Variants in BAG6 observed in about 807,000 individuals in gnomAD.
BAG6 encodes the protein BAG cochaperone 6, also known as large proline-rich protein BAG6.
Under a neutral mutation model 121.0 loss-of-function variants are expected in BAG6, and 22 were observed. That is an observed-to-expected ratio of 0.18 (90% CI 0.13 to 0.26). The LOEUF (loss-of-function observed/expected upper bound fraction) is 0.26. Among genes scored for constraint, BAG6 ranks in the 10% least tolerant of loss-of-function variants. The pLI, the probability that BAG6 is intolerant of heterozygous loss-of-function variation, is 1.00. For synonymous variants in BAG6, 583 were observed against 584.6 expected, an observed-to-expected ratio of 1.00 and a Z score of 0.04; for missense variants, 1,233 against 1,537.7, an observed-to-expected ratio of 0.80 and a Z score of 3.31.
Position 31,639,279 on chromosome 6 carries a change from C to A in BAG6, c.3394-53G>T, listed in dbSNP as rs1779750434. ...GAAACGCTGGCCAAGTCCCCATGATCCCAGCAAGCACACAAGGCCATCCCT... is the reference window on the plus strand; with the variant it reads ...GAAACGCTGGCCAAGTCCCCATGATACCAGCAAGCACACAAGGCCATCCCT... On this transcript the variant is annotated intron_variant, in intron 25 of 25. Transcript: ENST00000676615. The A allele has an allele frequency of 3.9e-6, 6 of 1,529,530 alleles. No individual in the cohort carries two copies. The Admixed American group carries it at 1.0e-4, about 27-fold the overall frequency. The allele number at this position is 1,529,530 out of a possible 1,614,324, so 94.7% of individuals were successfully genotyped here. A position where few individuals can be genotyped will look rare whatever the true frequency, so the allele number is the denominator to read the frequency against.
At position 31,641,507 on chromosome 6, in the gene BAG6, G is replaced by A. The variant is rs1266065654; in HGVS notation, c.2559+32C>T. ...GAGGCAGCTGCCTTGACCAGACCCAGGAGAGGAAAGGAATAGAGAAGGGTT... is the reference window on the plus strand; with the variant it reads ...GAGGCAGCTGCCTTGACCAGACCCAAGAGAGGAAAGGAATAGAGAAGGGTT... On this transcript the variant is annotated intron_variant, in intron 18 of 25. Coordinates refer to ENST00000676615, the MANE Select transcript of BAG6 (RefSeq NM_001387994.1). This position sits in a 1 kb window ranked among gnomAD's most constrained non-coding sequence, Gnocchi z 5.7. 1 of 1,614,148 alleles carries A rather than the reference G, an allele frequency of 6.2e-7. No individual in the cohort carries two copies. Among genetic ancestry groups the A allele is most frequent in the Admixed American group, 1.7e-5 (1 of 60,020 alleles).
intron 14 of BAG6, 123 bp downstream of exon 14, chr6:31,643,767 G>T: frequency 3.9e-5 from 17 of 433,432 alleles, no homozygotes; most frequent in African/African-American, 5.6e-5. Context: ...GAAGACACAA[G>T]ACACTACAGC....
chr6:31,643,773 A>T, intron 14 of BAG6, 117 bp downstream of exon 14: 1 of 882,442 alleles, frequency 1.1e-6, no homozygotes, highest in Non-Finnish European at 1.7e-6. Context: ...ACAAGACACT[A>T]CAGCAGCCCC....
Position 31,639,574 on chromosome 6 carries a change from G to A in BAG6, c.3319C>T (p.Arg1107Trp), listed in dbSNP as rs746427524. ...AGGCTCTCGGGGCTCGTCAGGGGCC[G>A]AGCTCCGGCTGCCTTAGCTGCCCGG... ...VSRAAKAAGARPLTSPESLSR... is the reference protein window; with the variant it reads ...VSRAAKAAGAWPLTSPESLSR... Residue 1107 changes from arginine (R) to tryptophan (W), a missense_variant, in exon 25 of 26, where the codon CGG (arginine) becomes TGG (tryptophan). By Grantham distance (101) the Arg-to-Trp change is moderately radical. Around this residue, in one of 7 missense-constraint regions of BAG6, gnomAD observed 102 missense variants for 103.2 expected, o/e 0.99. Transcript: ENST00000676615. 3.6e-5 allele frequency: 58 copies of A among 1,613,946 alleles called. No homozygotes were observed. The highest frequency in any genetic ancestry group is 4.4e-5 in the Non-Finnish European group (52 of 1,179,978).
rs770992542 is a variant in BAG6, at chr6:31,651,813, C to T, written c.-13-37G>A. 372 of 1,540,526 alleles carry T rather than the reference C, an allele frequency of 2.4e-4. 1 individual carries two copies. Among genetic ancestry groups the T allele is most frequent in the Non-Finnish European group, 3.1e-4 (351 of 1,114,818 alleles). ...CGAAGGAAGGAAGGCCCGCTGTTGC[C>T]CAGACCAGAGTGTACCCGAAAGACT... On this transcript the variant is annotated intron_variant, in intron 1 of 25. Coordinates refer to ENST00000676615, the MANE Select transcript of BAG6 (RefSeq NM_001387994.1).
At position 31,645,490 on chromosome 6, in the gene BAG6, G is replaced by A. The variant is rs1335904438; in HGVS notation, c.1033C>T (p.Pro345Ser). 2 of 1,613,020 alleles carry A rather than the reference G, an allele frequency of 1.2e-6. No individual in the cohort carries two copies. The highest frequency in any genetic ancestry group is 4.5e-5 in the East Asian group (2 of 44,902). The change falls in exon 9 of 26, where the codon CCC (proline) becomes TCC (serine). Residue 345 changes from proline to serine, a missense_variant. By Grantham distance (74) the Pro-to-Ser change is moderately conservative. Transcript: ENST00000676615. ...CGGACCACATGCAGGTGTCGTGGGGGCGTGCAGGCCAGATTGCAGCGCAGG... is the reference window on the plus strand; with the variant it reads ...CGGACCACATGCAGGTGTCGTGGGGACGTGCAGGCCAGATTGCAGCGCAGG... ...SDLRCNLACTPPRHLHVVRPM... is the reference protein window; with the variant it reads ...SDLRCNLACTSPRHLHVVRPM...
chr6:31,651,152 A>G (rs1796230418), intron 2 of BAG6, among the ~76,000 whole-genome samples: 1 of 152,226 alleles, frequency 6.6e-6, no homozygotes, highest in Non-Finnish European at 1.5e-5. Context: ...CTCTGCATTA[A>G]GTTCTATCCA....
At chr6:31,642,549 T>G (rs1054154104) in intron 15 of BAG6, 146 bp from the exon 16 acceptor site, 20 of 631,780 alleles carry the variant, frequency 3.2e-5, no homozygotes, top group Non-Finnish European at 5.5e-6. Flanking sequence ...AGCAGAAGTA[T>G]GGTAGGTATT....
rs771679482 is a variant in BAG6 at position 31,641,314 on chromosome 6, CCT to C, written c.2662+4_2662+5del. 2.5e-6 allele frequency: 4 copies of C among 1,614,048 alleles called. No individual in the cohort carries two copies. In the African/African-American group the frequency reaches 4.0e-5, roughly 16 times the overall value. On this transcript the variant is annotated splice_donor_5th_base_variant and intron_variant, in intron 19 of 25. Coordinates refer to ENST00000676615, the MANE Select transcript of BAG6 (RefSeq NM_001387994.1). This position sits in a 1 kb window ranked among gnomAD's most constrained non-coding sequence, Gnocchi z 5.7. ...CCCACTTGCCCCCGCCTGGCCAGCC[CCT>C]GACCTGTGCAATGCAGCACATGCGC...
At chr6:31,646,054 C>T (rs562072026) in intron 8 of BAG6, among the ~76,000 whole-genome samples, 2 of 152,174 alleles carry the variant, frequency 1.3e-5, no homozygotes, top group Non-Finnish European at 2.9e-5. Flanking sequence ...AGTGCAATCT[C>T]GGCTCACTGC....
At position 31,641,448 on chromosome 6, in the gene BAG6, CCCAAA is replaced by C. The variant is rs770809719; in HGVS notation, c.2560-31_2560-27del. The C allele has an allele frequency of 6.1e-5, 99 of 1,613,890 alleles. 1 individual carries two copies. The East Asian group carries it at 2.2e-3, about 36-fold the overall frequency. ...CTGAGAGACAAGATAACACAAAGAT[CCCAAA>C]ATCAAGAATCATAAGACTGGGAGTG... On this transcript the variant is annotated intron_variant, in intron 18 of 25. Coordinates refer to ENST00000676615, the MANE Select transcript of BAG6 (RefSeq NM_001387994.1). This position sits in a 1 kb window ranked among gnomAD's most constrained non-coding sequence, Gnocchi z 5.7.
At position 31,644,255 on chromosome 6, in the gene BAG6, TG is replaced by T; in HGVS notation, c.1555+51del. The T allele has an allele frequency of 6.4e-7, 1 of 1,568,190 alleles. No homozygotes were observed. Among genetic ancestry groups the T allele is most frequent in the Middle Eastern group, 1.7e-4 (1 of 6,008 alleles). On this transcript the variant is annotated intron_variant, in intron 12 of 25. Coordinates refer to ENST00000676615, the MANE Select transcript of BAG6 (RefSeq NM_001387994.1). The surrounding 1 kb of genome is among the most constrained non-coding windows in gnomAD (Gnocchi z 4.9). ...GAGGGCCAGGCCCTTGCCAGCCAGC[TG>T]CCACCATGGACTGTGCCCTACCTCC...
Position 31,645,175 on chromosome 6 carries a change from G to C in BAG6, c.1140C>G (p.Thr380=). 3.1e-6 allele frequency: 5 copies of C among 1,611,908 alleles called. No homozygotes were observed. The highest frequency in any genetic ancestry group is 4.2e-6 in the Non-Finnish European group (5 of 1,179,416). Residue 380 remains threonine, a synonymous_variant, in exon 10 of 26, where the codon ACC becomes ACG. Transcript: ENST00000676615. ...PIQINVGTTV[T]MTGNGTRPPP... ...GGGGCCGAGTCCCATTTCCTGTCAT[G>C]GTCACAGTGGTTCCCACATTGATCT...
intron 16 of BAG6, 61 bp from the exon 17 acceptor site, chr6:31,642,006 C>G: frequency 6.2e-7 from 1 of 1,600,914 alleles, no homozygotes; most frequent in Non-Finnish European, 8.5e-7. Flanking sequence ...CACCCACAAC[C>G]AGATCATCAA....
At position 31,639,564 on chromosome 6, in the gene BAG6, G is replaced by A. The variant is rs146864834; in HGVS notation, c.3329C>T (p.Thr1110Met). 2.3e-5 allele frequency: 37 copies of A among 1,614,008 alleles called. No individual in the cohort carries two copies. The highest frequency in any genetic ancestry group is 6.7e-5 in the Admixed American group (4 of 60,002). ...AAKAAGARPL[T>M]SPESLSRDLE... The stretch of plus-strand genomic sequence containing the variant: ...GTCCCGGCTCAGGCTCTCGGGGCTC[G>A]TCAGGGGCCGAGCTCCGGCTGCCTT... Residue 1110 changes from threonine to methionine, a missense_variant, in exon 25 of 26, where the codon ACG (threonine) becomes ATG (methionine). Thr to Met is a moderately conservative substitution (Grantham distance 81). Around this residue, in one of 7 missense-constraint regions of BAG6, gnomAD observed 102 missense variants for 103.2 expected, o/e 0.99. Coordinates refer to ENST00000676615, the MANE Select transcript of BAG6 (RefSeq NM_001387994.1).
rs961050537 is a variant in BAG6 at position 31,642,264 on chromosome 6, G to A, written c.2183C>T (p.Pro728Leu). 5.0e-6 allele frequency: 8 copies of A among 1,610,338 alleles called. No homozygotes were observed. The highest frequency in any genetic ancestry group is 1.7e-5 in the Admixed American group (1 of 59,418). ...CTGCACCACTGAGGTAAAAAACTCC[G>A]GTGACAGGCTCTCAAGACCCAGGCC... is the stretch of plus-strand genomic sequence containing the variant. ...PGGLGLESLS[P>L]EFFTSVVQGV... is the part of the protein sequence containing the mutation. The change falls in exon 16 of 26, where the codon CCG becomes CTG. Residue 728 changes from proline to leucine, a missense_variant. Around this residue, in one of 7 missense-constraint regions of BAG6, gnomAD observed 288 missense variants for 483.1 expected, o/e 0.60. Transcript: ENST00000676615.
intron 7 of BAG6, 140 bp downstream of exon 7, chr6:31,647,451 A>C (rs951798935): frequency 8.1e-6 from 10 of 1,241,046 alleles, no homozygotes; most frequent in African/African-American, 1.6e-5. Context: ...ATACCGAGAG[A>C]GCCCCTCCTC....
intron 14 of BAG6, among the ~76,000 whole-genome samples, 165 bp downstream of exon 14, chr6:31,643,721 CAAAA>C (rs9281540): frequency 3.0e-5 from 2 of 66,292 alleles, no homozygotes; most frequent in African/African-American, 2.1e-4. Flanking sequence ...GACTCCATCT[CAAAA>C]AAAAAAAAAA....
intron 14 of BAG6, 116 bp from the exon 15 acceptor site, chr6:31,643,231 A>G: frequency 1.0e-6 from 1 of 998,316 alleles, no homozygotes; most frequent in Middle Eastern, 3.3e-4. Context: ...TCTAGGCCAC[A>G]TAGCAAGACC....
Sources: allele counts gnomAD v4.1 joint callset (sites outside exome capture counted in the v4.1 genomes callset), GRCh38; gene constraint gnomAD v4.1.1; regional missense constraint gnomAD v4.1.1; non-coding constraint Gnocchi (gnomAD v3.1); transcripts MANE v1.5; gene names NCBI Gene and HGNC (gene_info 2026-07-23, HGNC 2026-07-21).